The following LRRIQ3 variants were observed in gnomAD, a reference collection of about 807,000 sequenced individuals.
LRRIQ3 encodes leucine-rich repeat and IQ domain-containing protein 3.
In LRRIQ3, 75 loss-of-function variants were observed where a neutral mutation model predicts 59.3. That is an observed-to-expected ratio of 1.26 (90% confidence interval 1.05 to 1.53). The LOEUF (loss-of-function observed/expected upper bound fraction) is 1.53. Ranked by LOEUF, LRRIQ3 falls within the 40% of genes most tolerant of loss-of-function variation. LRRIQ3 has a pLI of 0.00. For synonymous variants in LRRIQ3, 250 were observed against 231.3 expected, an observed-to-expected ratio of 1.08 and a Z score of -0.73; for missense variants, 831 against 710.0, an observed-to-expected ratio of 1.17 and a Z score of -1.94.
At position 74,119,734 on chromosome 1, in the gene LRRIQ3, C is replaced by T. The variant is rs1031811304; in HGVS notation, c.708-10181G>A. Among the ~76,000 whole-genome samples, 4 of 152,064 alleles carry T rather than the reference C, an allele frequency of 2.6e-5. 1 individual carries two copies. The South Asian group carries it at 8.3e-4, about 32-fold the overall frequency. On this transcript the variant is annotated intron_variant, in intron 4 of 7. Coordinates refer to ENST00000354431, the MANE Select transcript of LRRIQ3 (RefSeq NM_001105659.2). ...AATACTCCTATCCTACTTTGAGATT[C>T]CCTTATATACACAGCTCTTTTTAGG...
At chr1:74,045,641 T>C (rs1235309209) in intron 6 of LRRIQ3, among the ~76,000 whole-genome samples, 4 of 152,088 alleles carry the variant, frequency 2.6e-5, no homozygotes, top group Non-Finnish European at 4.4e-5. Flanking sequence ...AAATAAACGG[T>C]ATTCAAGTAG....
intron 1 of LRRIQ3, among the ~76,000 whole-genome samples, chr1:74,190,751 A>C (rs1650712004): frequency 6.6e-6 from 1 of 152,088 alleles, no homozygotes; most frequent in East Asian, 1.9e-4. Flanking sequence ...AAAGGTAAAA[A>C]AAAAATCTTG....
intron 4 of LRRIQ3, among the ~76,000 whole-genome samples, chr1:74,154,129 T>A (rs1489792137): frequency 6.6e-6 from 1 of 150,896 alleles, no homozygotes; most frequent in Non-Finnish European, 1.5e-5. Flanking sequence ...TAGTCCCAGC[T>A]ACTGGGGAGG....
chr1:74,029,068 T>C (rs1653610789), intron 7 of LRRIQ3, among the ~76,000 whole-genome samples: 1 of 152,126 alleles, frequency 6.6e-6, no homozygotes, highest in South Asian at 2.1e-4. Context: ...TGATTTTGTA[T>C]CCTGAGACTT....
At chr1:74,087,886 C>G (rs1646346443) in intron 5 of LRRIQ3, among the ~76,000 whole-genome samples, 1 of 151,986 alleles carries the variant, frequency 6.6e-6, no homozygotes, top group Non-Finnish European at 1.5e-5. Context: ...ATCATGAGGT[C>G]AGGAGTTCAA....
chr1:74,061,259 A>T (rs1654714043), intron 6 of LRRIQ3, among the ~76,000 whole-genome samples: 1 of 152,174 alleles, frequency 6.6e-6, no homozygotes, highest in African/African-American at 2.4e-5. Flanking sequence ...AGAATTATAA[A>T]ACACTGCTCA....
rs370101985 is a variant in LRRIQ3, at chr1:74,041,582, C to T, written c.1349G>A (p.Arg450Gln). 20 of 1,613,708 alleles carry T rather than the reference C, an allele frequency of 1.2e-5. No individual in the cohort carries two copies. The South Asian group carries it at 1.3e-4, about 11-fold the overall frequency. The change falls in exon 7 of 8, where the codon CGA (arginine) becomes CAA (glutamine). Residue 450 changes from arginine (R) to glutamine (Q), a missense_variant. Arg to Gln is a conservative substitution (Grantham distance 43, BLOSUM62 1). Coordinates refer to ENST00000354431, the MANE Select transcript of LRRIQ3 (RefSeq NM_001105659.2). ...VRVVAMAQVA[R>Q]ERVRVAVNEH... ...ATTAACAGCTACTCTAACTCTTTCT[C>T]GAGCAACTTGTGCCATGGCTACAAC...
intron 4 of LRRIQ3, among the ~76,000 whole-genome samples, chr1:74,118,009 C>T (rs1646800722): frequency 6.6e-6 from 1 of 150,758 alleles, no homozygotes; most frequent in African/African-American, 2.4e-5. Context: ...CTAAATAAAA[C>T]ATAACCATTT....
chr1:74,193,278 G>A (rs1382436333), intron 1 of LRRIQ3, among the ~76,000 whole-genome samples: 3 of 152,076 alleles, frequency 2.0e-5, no homozygotes, highest in African/African-American at 2.4e-5. Flanking sequence ...GTTACAGAAC[G>A]TATCAAGTCT....
chr1:74,121,242 T>C (rs1228238981), intron 4 of LRRIQ3, among the ~76,000 whole-genome samples: 2 of 152,180 alleles, frequency 1.3e-5, no homozygotes, highest in African/African-American at 4.8e-5. Flanking sequence ...TCCATTTTGA[T>C]GGTTTGTATT....
chr1:74,074,793 G>A lies in LRRIQ3; in HGVS notation c.868-3C>T, dbSNP rs777037758. The A allele has an allele frequency of 3.1e-6, 4 of 1,281,566 alleles. No homozygotes were observed. The South Asian group carries it at 5.6e-5, about 18-fold the overall frequency. 79.4% of individuals were successfully genotyped at this position (1,281,566 alleles called of 1,614,324 possible). A position where few individuals can be genotyped will look rare whatever the true frequency, so the allele number is the denominator to read the frequency against. ...AAATCAACAGGATAATATATATTCT[G>A]TGAAAATAAAATAAAAGCAATGACA... On this transcript the variant is annotated splice_polypyrimidine_tract_variant and splice_region_variant and intron_variant, in intron 5 of 7. Coordinates refer to ENST00000354431, the MANE Select transcript of LRRIQ3 (RefSeq NM_001105659.2).
At chr1:74,178,499 T>G (rs1456772737) in intron 3 of LRRIQ3, among the ~76,000 whole-genome samples, 2 of 152,170 alleles carry the variant, frequency 1.3e-5, no homozygotes, top group Non-Finnish European at 2.9e-5. Context: ...TACATATGAT[T>G]TTTATATTTT....
chr1:74,149,206 T>G (rs930776526), intron 4 of LRRIQ3, among the ~76,000 whole-genome samples: 1 of 152,226 alleles, frequency 6.6e-6, no homozygotes, highest in African/African-American at 2.4e-5. Context: ...CAAAATAATA[T>G]GTAAAGTGTT....
At chr1:74,060,402 TCTA>T (rs1654688637) in intron 6 of LRRIQ3, among the ~76,000 whole-genome samples, 2 of 151,674 alleles carry the variant, frequency 1.3e-5, no homozygotes, top group African/African-American at 4.8e-5. Flanking sequence ...CTTCTTCTTT[TCTA>T]CTTCTTTTTT....
chr1:74,111,098 G>A (rs890806789), intron 4 of LRRIQ3, among the ~76,000 whole-genome samples: 9 of 152,044 alleles, frequency 5.9e-5, no homozygotes, highest in African/African-American at 2.2e-4. Flanking sequence ...ACGAGAGAGT[G>A]TGAATACAAT....
chr1:74,048,182 T>A (rs1203966650), intron 6 of LRRIQ3, among the ~76,000 whole-genome samples: 1 of 152,186 alleles, frequency 6.6e-6, no homozygotes, highest in Admixed American at 6.6e-5. Flanking sequence ...TTCCCTCTCC[T>A]GAATTTTTAA....
At chr1:74,049,715 A>G (rs945345141) in intron 6 of LRRIQ3, among the ~76,000 whole-genome samples, 2 of 152,132 alleles carry the variant, frequency 1.3e-5, no homozygotes, top group African/African-American at 4.8e-5. Flanking sequence ...ATATTTAAAC[A>G]CATAACTAAC....
chr1:74,162,624 C>T (rs1648726790), intron 3 of LRRIQ3, among the ~76,000 whole-genome samples: 1 of 151,812 alleles, frequency 6.6e-6, no homozygotes, highest in Admixed American at 6.6e-5. Flanking sequence ...ATGCTAGTCA[C>T]ATTGTATAAA....
chr1:74,114,882 G>C (rs1646756853), intron 4 of LRRIQ3, among the ~76,000 whole-genome samples: 1 of 151,910 alleles, frequency 6.6e-6, no homozygotes, highest in African/African-American at 2.4e-5. Flanking sequence ...AGACATATCT[G>C]TGAATAATGT....
Sources: allele counts gnomAD v4.1 joint callset (sites outside exome capture counted in the v4.1 genomes callset), GRCh38; gene constraint gnomAD v4.1.1; transcripts MANE v1.5; gene names NCBI Gene and HGNC (gene_info 2026-07-23, HGNC 2026-07-21).